The following MSI1 variants were observed in gnomAD, a reference collection of about 807,000 sequenced individuals.
MSI1 encodes the protein musashi RNA binding protein 1.
In MSI1, 15 loss-of-function variants were observed where a neutral mutation model predicts 54.4. That is an observed-to-expected ratio of 0.28 (90% CI 0.18 to 0.42). The LOEUF (loss-of-function observed/expected upper bound fraction) is 0.42. MSI1 is among the 20% of genes least tolerant of loss of function. The pLI is 1.00. For synonymous variants in MSI1, 200 were observed against 196.5 expected (o/e 1.02, Z -0.15); for missense variants, 304 against 506.0 (o/e 0.60, Z 3.83).
At chr12:120,357,477 CA>C (rs1482964005) in intron 8 of MSI1, among the ~76,000 whole-genome samples, 10 of 152,182 alleles carry the variant, frequency 6.6e-5, no homozygotes, top group Non-Finnish European at 1.0e-4. Flanking sequence ...GCGCTCCATC[CA>C]ATCCCAACTC....
chr12:120,351,489 T>C (rs1874593993), intron 10 of MSI1, 89 bp from the exon 11 acceptor site: 2 of 1,208,360 alleles, frequency 1.7e-6, no homozygotes, highest in Non-Finnish European at 2.4e-6. Context: ...ACAGGGACAC[T>C]GGGTGAGGAG....
At chr12:120,343,313 T>A (rs1249632998) in intron 14 of MSI1, among the ~76,000 whole-genome samples, 1 of 152,078 alleles carries the variant, frequency 6.6e-6, no homozygotes, top group African/African-American at 2.4e-5. Context: ...CAAGTGATCC[T>A]CCTGCCTCAG....
intron 5 of MSI1, among the ~76,000 whole-genome samples, chr12:120,364,186 G>T (rs900618209): frequency 1.4e-4 from 22 of 152,218 alleles, no homozygotes; most frequent in African/African-American, 4.8e-4. Flanking sequence ...GAACTCGCCA[G>T]AGCAGCAGGG....
At chr12:120,362,974 G>A (rs570083945) in intron 6 of MSI1, 69 bp downstream of exon 6, 15 of 1,317,476 alleles carry the variant, frequency 1.1e-5, no homozygotes, top group African/African-American at 7.3e-5. Context: ...GGCTGGATTC[G>A]GCTTGCTAGT....
intron 10 of MSI1, among the ~76,000 whole-genome samples, chr12:120,352,740 G>C (rs1269200421): frequency 6.6e-6 from 1 of 151,466 alleles, no homozygotes; most frequent in Non-Finnish European, 1.5e-5. Flanking sequence ...AAACTGCATT[G>C]AATAGTCATC....
chr12:120,344,484 C>T (rs1473583035), intron 14 of MSI1, among the ~76,000 whole-genome samples: 2 of 151,924 alleles, frequency 1.3e-5, no homozygotes, highest in South Asian at 2.1e-4. Flanking sequence ...AGAGGAAGAT[C>T]GTTTGAGCCA....
At chr12:120,343,301 C>T (rs1263706565) in intron 14 of MSI1, among the ~76,000 whole-genome samples, 196 bp from the exon 15 acceptor site, 2 of 152,128 alleles carry the variant, frequency 1.3e-5, no homozygotes, top group East Asian at 3.9e-4. Flanking sequence ...CCTCCCTAGG[C>T]TCAAGTGATC....
At chr12:120,358,034 G>C in intron 7 of MSI1, 136 bp from the exon 8 acceptor site, 1 of 714,960 alleles carries the variant, frequency 1.4e-6, no homozygotes, top group African/African-American at 1.8e-5. Flanking sequence ...CTCACAGCCT[G>C]GAATCCTCTC....
rs1265739448 is a variant in MSI1 at position 120,368,641 on chromosome 12, C to T, written c.100+192G>A. 6.6e-6 allele frequency among the ~76,000 whole-genome samples: 1 copy of T among 151,904 alleles called. No homozygotes were observed. The highest frequency in any genetic ancestry group is 1.5e-5 in the Non-Finnish European group (1 of 67,918). On this transcript the variant is annotated intron_variant, in intron 2 of 14. Transcript: ENST00000257552. The surrounding 1 kb of genome is among the most constrained non-coding windows in gnomAD (Gnocchi z 6.6). ...TACCCCCTGAACCCCTCATCTGCTC[C>T]CCTCCACCCGCTGGGCCGGGTGCGC...
At chr12:120,348,767 C>T (rs945504774) in intron 11 of MSI1, among the ~76,000 whole-genome samples, 5 of 152,010 alleles carry the variant, frequency 3.3e-5, no homozygotes, top group African/African-American at 1.2e-4. Context: ...GTGGTGCATG[C>T]CTGTAATCCC....
At chr12:120,354,527 G>C (rs1046792723) in intron 9 of MSI1, among the ~76,000 whole-genome samples, 4 of 152,100 alleles carry the variant, frequency 2.6e-5, no homozygotes, top group African/African-American at 9.7e-5. Context: ...CGCCTCCCAG[G>C]TTCAAGCAAT....
At chr12:120,351,504 GC>G in intron 10 of MSI1, 104 bp from the exon 11 acceptor site, 1 of 1,000,484 alleles carries the variant, frequency 1.0e-6, no homozygotes, top group Non-Finnish European at 1.5e-6. Context: ...GAGGAGACAG[GC>G]CATGCACAGG....
chr12:120,366,236 T>C (rs1362684759), intron 4 of MSI1, among the ~76,000 whole-genome samples: 4 of 152,176 alleles, frequency 2.6e-5, no homozygotes, highest in Non-Finnish European at 5.9e-5. Context: ...CTCAGCCTCG[T>C]TCTAGGCAGC....
chr12:120,344,114 G>A (rs551102735), intron 14 of MSI1, among the ~76,000 whole-genome samples: 2 of 152,174 alleles, frequency 1.3e-5, no homozygotes, highest in South Asian at 2.1e-4. Context: ...CCTTGGCCCC[G>A]CAAAGTGCTG....
intron 12 of MSI1, among the ~76,000 whole-genome samples, 162 bp from the exon 13 acceptor site, chr12:120,346,484 C>T (rs1305992608): frequency 2.0e-5 from 3 of 151,960 alleles, no homozygotes; most frequent in African/African-American, 7.3e-5. Flanking sequence ...ACCCAGTCAC[C>T]CCTAGCCCTG....
intron 10 of MSI1, among the ~76,000 whole-genome samples, chr12:120,352,677 G>A (rs977331839): frequency 1.3e-5 from 2 of 151,358 alleles, no homozygotes; most frequent in African/African-American, 4.8e-5. Context: ...AGACCCCCAA[G>A]TAAATAAATA....
rs1873704517 is a variant in MSI1 at position 120,342,056 on chromosome 12, T to C, written c.*1071A>G. 1.5e-5 allele frequency: 2 copies of C among 135,322 alleles called. No homozygotes were observed. The highest frequency in any genetic ancestry group is 3.1e-5 in the Non-Finnish European group (2 of 65,158). The allele number at this position is 135,322 out of a possible 1,614,324, so 8.4% of individuals were successfully genotyped here. On this transcript the variant is annotated 3_prime_UTR_variant, in exon 15 of 15. Transcript: ENST00000257552. ...CCCTGAGACGCCCTTTGCTTTCCCC[T>C]GGGGTCTGCCCTCGCCAGAGCGTCC...
rs1164929176 is a variant in MSI1 at position 120,343,723 on chromosome 12, T to G, written c.*22-618A>C. On this transcript the variant is annotated intron_variant, in intron 14 of 14. Transcript: ENST00000257552. The stretch of plus-strand genomic sequence containing the variant: ...AAATGAGAGAGGACTTTGTCTGTCT[T>G]GTTCATCCTCTTTCCTGGAATGGGG... 2.6e-5 allele frequency among the ~76,000 whole-genome samples: 4 copies of G among 152,350 alleles called. No homozygotes were observed. The East Asian group carries it at 7.7e-4, about 29-fold the overall frequency.
At position 120,346,148 on chromosome 12, in the gene MSI1, C is replaced by A. The variant is rs1248073312; in HGVS notation, c.1034G>T (p.Gly345Val). ...CTGGCCACTCACCCCAAGACTGTGG[C>A]CGAAGCCGGTGCTGGGGGCAGGGCT... ...AASPAPSTGF[G>V]HSLGGPLIAT... is the part of the protein sequence containing the mutation. The change falls in exon 13 of 15, where the codon GGC becomes GTC. Residue 345 changes from glycine (G) to valine (V), a missense_variant. Transcript: ENST00000257552. The A allele has an allele frequency of 4.4e-6, 7 of 1,576,096 alleles. No homozygotes were observed. Among genetic ancestry groups the A allele is most frequent in the Admixed American group, 3.6e-5 (2 of 56,018 alleles).
Sources: gnomAD v4.1 joint callset for allele counts (sites outside exome capture counted in the v4.1 genomes callset) on GRCh38, gnomAD v4.1.1 for gene constraint, Gnocchi (gnomAD v3.1) non-coding constraint, MANE v1.5 for transcripts, NCBI Gene and HGNC (gene_info 2026-07-23, HGNC 2026-07-21) for gene names.